Variants in WDPCP observed in about 807,000 individuals in gnomAD.
WDPCP encodes WD repeat-containing and planar cell polarity effector protein fritz homolog.
In WDPCP, 71 loss-of-function variants were observed where a neutral mutation model predicts 93.1. The ratio of observed to expected loss-of-function variants is 0.76; its 90% CI spans 0.63 to 0.93. The LOEUF is 0.93. WDPCP is among the 40% of genes least tolerant of loss of function. The pLI is 0.00. For synonymous variants in WDPCP, 315 were observed against 315.0 expected (o/e 1.00, Z 0.00); for missense variants, 844 against 887.4 (o/e 0.95, Z 0.62).
chr2:63,291,895 AG>A (rs1684454751), intron 13 of WDPCP, among the ~76,000 whole-genome samples: 1 of 151,868 alleles, frequency 6.6e-6, no homozygotes, highest in Non-Finnish European at 1.5e-5. Context: ...GCATGTTGGG[AG>A]GCCGAGGAGG....
chr2:63,719,830 A>G (rs914862510), intron 2 of WDPCP, among the ~76,000 whole-genome samples: 1 of 152,194 alleles, frequency 6.6e-6, no homozygotes, highest in Non-Finnish European at 1.5e-5. Flanking sequence ...AGAAAATCAA[A>G]TGCAGAAATT....
chr2:63,362,277 TTGTG>T (rs140044354), intron 12 of WDPCP, among the ~76,000 whole-genome samples: 4 of 94,106 alleles, frequency 4.3e-5, no homozygotes, highest in Non-Finnish European at 5.7e-5. Context: ...TTTTTTTTGG[TTGTG>T]TGTGTGTGTG....
chr2:63,712,574 G>C (rs1669278724), intron 2 of WDPCP, among the ~76,000 whole-genome samples: 1 of 152,134 alleles, frequency 6.6e-6, no homozygotes, highest in South Asian at 2.1e-4. Context: ...ACATCTTCCT[G>C]AATATGTTTG....
chr2:63,631,135 G>T (rs900694888), intron 3 of WDPCP, among the ~76,000 whole-genome samples: 7 of 152,092 alleles, frequency 4.6e-5, no homozygotes, highest in African/African-American at 1.4e-4. Context: ...CAAAAAATTA[G>T]CTGGGTGTGG....
chr2:63,267,417 T>C (rs971788909), intron 13 of WDPCP, among the ~76,000 whole-genome samples: 1 of 152,156 alleles, frequency 6.6e-6, no homozygotes, highest in African/African-American at 2.4e-5. Context: ...TCCTCAACAT[T>C]TGCCTGGGCA....
At chr2:63,302,709 C>CA (rs1685427662) in intron 13 of WDPCP, among the ~76,000 whole-genome samples, 1 of 152,204 alleles carries the variant, frequency 6.6e-6, no homozygotes, top group Non-Finnish European at 1.5e-5. Flanking sequence ...AGGTTGGTGT[C>CA]AAGCTGTAGA....
chr2:63,786,944 G>C lies in WDPCP; in HGVS notation n.308+26678C>G, dbSNP rs1210627832. Among the ~76,000 whole-genome samples, 4 of 152,150 alleles carry C rather than the reference G, an allele frequency of 2.6e-5. No homozygotes were observed. The East Asian group carries it at 7.7e-4, about 29-fold the overall frequency. Reference sequence around the variant, plus strand: ...AAATATATCTGGCACACAATAGTCAGTCAATAAATATATGTCAAATGAACG... The same window carrying C: ...AAATATATCTGGCACACAATAGTCACTCAATAAATATATGTCAAATGAACG... On this transcript the variant is annotated intron_variant and non_coding_transcript_variant, in intron 2 of 4. Transcript: ENST00000467687.
At chr2:63,332,588 C>A (rs1394204473) in intron 12 of WDPCP, among the ~76,000 whole-genome samples, 3 of 152,002 alleles carry the variant, frequency 2.0e-5, no homozygotes, top group African/African-American at 7.2e-5. Flanking sequence ...CGTTATCTTA[C>A]TGTTAAGTTG....
intron 11 of WDPCP, among the ~76,000 whole-genome samples, chr2:63,379,846 T>C (rs1416865827): frequency 6.6e-6 from 1 of 152,168 alleles, no homozygotes; most frequent in African/African-American, 2.4e-5. Context: ...GTTTTAGAAA[T>C]ATGTTTTGTA....
At chr2:63,502,129 C>T (rs960462698) in intron 1 of WDPCP, among the ~76,000 whole-genome samples, 3 of 152,130 alleles carry the variant, frequency 2.0e-5, no homozygotes, top group African/African-American at 7.2e-5. Context: ...CCCATACTGA[C>T]TTGTTCATTT....
intron 12 of WDPCP, among the ~76,000 whole-genome samples, chr2:63,318,664 C>G (rs1050732772): frequency 6.6e-6 from 1 of 151,982 alleles, no homozygotes; most frequent in Admixed American, 6.6e-5. Flanking sequence ...AATACAGGAC[C>G]AAAAAACCAA....
At chr2:63,236,347 A>G (rs1574951024) in intron 14 of WDPCP, among the ~76,000 whole-genome samples, 1 of 152,198 alleles carries the variant, frequency 6.6e-6, no homozygotes, top group East Asian at 1.9e-4. Flanking sequence ...ACAAATGGAA[A>G]AACTTCCATG....
At chr2:63,142,848 G>GTGTA (rs1431056383) in intron 17 of WDPCP, among the ~76,000 whole-genome samples, 1 of 146,854 alleles carries the variant, frequency 6.8e-6, no homozygotes, top group African/African-American at 2.5e-5. Context: ...GTGTGTGTGT[G>GTGTA]TACACACATA....
At chr2:63,279,118 C>T (rs1173884537) in intron 13 of WDPCP, among the ~76,000 whole-genome samples, 1 of 151,956 alleles carries the variant, frequency 6.6e-6, no homozygotes, top group East Asian at 1.9e-4. Context: ...AGGGAATCCT[C>T]CCTAAATCAT....
At chr2:63,442,716 A>G (rs1215694956) in intron 6 of WDPCP, 1 of 152,194 alleles carries the variant, frequency 6.6e-6, no homozygotes, top group Non-Finnish European at 1.5e-5. Context: ...GTTCCTTCAG[A>G]ACTCTGGAAT....
At chr2:63,763,232 G>A (rs896704041) in intron 2 of WDPCP, among the ~76,000 whole-genome samples, 8 of 152,100 alleles carry the variant, frequency 5.3e-5, no homozygotes, top group Admixed American at 5.2e-4. Flanking sequence ...GTCCGGGCAC[G>A]GTGGCTCATG....
intron 1 of WDPCP, among the ~76,000 whole-genome samples, chr2:63,814,340 T>G (rs1229042677): frequency 6.6e-6 from 1 of 152,100 alleles, no homozygotes; most frequent in Non-Finnish European, 1.5e-5. Context: ...AAAATATGTC[T>G]TTCCTGGTTT....
rs1319733963 is a variant in WDPCP, at chr2:63,259,322, T to C, written c.1900A>G (p.Ile634Val). ...KRASDIDAESITSGVELLGPL... is the reference protein window; with the variant it reads ...KRASDIDAESVTSGVELLGPL... The stretch of plus-strand genomic sequence containing the variant: ...TAATTCTTACCAACCCCAGAGGTTA[T>C]TGATTCTGCATCAATGTCACTAGCT... Residue 634 changes from isoleucine (I) to valine (V), a missense_variant, in exon 14 of 18, where the codon ATA (isoleucine) becomes GTA (valine). Coordinates refer to ENST00000272321, the MANE Select transcript of WDPCP (RefSeq NM_015910.7). 3.7e-6 allele frequency: 6 copies of C among 1,612,798 alleles called. No homozygotes were observed. Among genetic ancestry groups the C allele is most frequent in the East Asian group, 2.2e-5 (1 of 44,758 alleles).
At chr2:63,535,089 C>G (rs1181154338) in intron 1 of WDPCP, among the ~76,000 whole-genome samples, 1 of 152,152 alleles carries the variant, frequency 6.6e-6, no homozygotes, top group African/African-American at 2.4e-5. Flanking sequence ...AGAGCCAAAT[C>G]ATGAGTGAAC....
Sources: gnomAD v4.1 joint callset for allele counts (sites outside exome capture counted in the v4.1 genomes callset) on GRCh38, gnomAD v4.1.1 for gene constraint, MANE v1.5 for transcripts, NCBI Gene and HGNC (gene_info 2026-07-23, HGNC 2026-07-21) for gene names.